Variants in UBE2E2 observed in about 807,000 individuals in gnomAD.
The protein encoded by UBE2E2 is ubiquitin conjugating enzyme E2 E2.
In UBE2E2, 6 loss-of-function variants were observed where a neutral mutation model predicts 24.7. The ratio of observed to expected loss-of-function variants is 0.24; its 90% CI spans 0.13 to 0.48. The LOEUF (loss-of-function observed/expected upper bound fraction) is 0.48, where lower values mean the gene tolerates loss of function less well. UBE2E2 is among the 20% of genes least tolerant of loss of function. UBE2E2 has a pLI of 0.99. For missense variants in UBE2E2, 169 were observed against 245.0 expected (o/e 0.69, Z 2.07); for synonymous variants, 104 against 83.6 (o/e 1.24, Z -1.33).
intron 3 of UBE2E2, among the ~76,000 whole-genome samples, chr3:23,270,143 C>T (rs1363450738): frequency 8.4e-5 from 11 of 131,154 alleles, no homozygotes; most frequent in South Asian, 7.6e-4. Context: ...TCTTTCCACC[C>T]CCCTCCTCCT....
intron 5 of UBE2E2, among the ~76,000 whole-genome samples, chr3:23,555,197 G>A (rs1269158359): frequency 6.6e-6 from 1 of 152,128 alleles, no homozygotes; most frequent in Admixed American, 6.5e-5. Context: ...TTACAGGCAT[G>A]AGCCACCATG....
chr3:23,214,232 T>G (rs1696408998), intron 2 of UBE2E2, among the ~76,000 whole-genome samples: 1 of 152,102 alleles, frequency 6.6e-6, no homozygotes, highest in Non-Finnish European at 1.5e-5. Flanking sequence ...TTATATAGAA[T>G]TATATGACAG....
At chr3:23,312,268 T>G (rs1034876152) in intron 3 of UBE2E2, among the ~76,000 whole-genome samples, 1 of 152,178 alleles carries the variant, frequency 6.6e-6, no homozygotes, top group African/African-American at 2.4e-5. Flanking sequence ...ACTCGGATAT[T>G]TCTTTATAGC....
intron 3 of UBE2E2, among the ~76,000 whole-genome samples, chr3:23,262,614 T>A (rs1697934260): frequency 6.6e-6 from 1 of 151,952 alleles, no homozygotes; most frequent in South Asian, 2.1e-4. Flanking sequence ...GTGGGGTTTT[T>A]TTTTTTGCTA....
In UBE2E2 at chr3:23,590,970, T is replaced by A. The variant is rs1346001884; in HGVS notation, c.*1139T>A. 6.6e-6 allele frequency: 1 copy of A among 152,096 alleles called. No individual in the cohort carries two copies. The highest frequency in any genetic ancestry group is 2.4e-5 in the African/African-American group (1 of 41,444). 9.4% of individuals were successfully genotyped at this position (152,096 alleles called of 1,614,324 possible). On this transcript the variant is annotated 3_prime_UTR_variant, in exon 6 of 6. Coordinates refer to ENST00000396703, the MANE Select transcript of UBE2E2 (RefSeq NM_152653.4). ...TTGCCCTCAAGCTTTGTATTGTTCATTTTTGTTGTTGTTGTTGTTGTTGTT... is the reference window on the plus strand; with the variant it reads ...TTGCCCTCAAGCTTTGTATTGTTCAATTTTGTTGTTGTTGTTGTTGTTGTT...
At chr3:23,246,835 G>A in intron 3 of UBE2E2, among the ~76,000 whole-genome samples, 1 of 152,094 alleles carries the variant, frequency 6.6e-6, no homozygotes, top group Non-Finnish European at 1.5e-5. Context: ...GCATATAGTA[G>A]GTATTTGGTT....
At chr3:23,535,510 A>G (rs1358062106) in intron 5 of UBE2E2, among the ~76,000 whole-genome samples, 3 of 152,136 alleles carry the variant, frequency 2.0e-5, no homozygotes, top group Non-Finnish European at 4.4e-5. Flanking sequence ...CGATGGGTGC[A>G]CCAGCAATAA....
intron 5 of UBE2E2, among the ~76,000 whole-genome samples, chr3:23,584,269 G>A (rs1044041012): frequency 3.3e-5 from 5 of 152,320 alleles, no homozygotes; most frequent in Non-Finnish European, 7.4e-5. Flanking sequence ...AAGTCTACTT[G>A]ATCATGGTGG....
chr3:23,403,452 A>G (rs1368748375), intron 3 of UBE2E2, among the ~76,000 whole-genome samples: 1 of 152,170 alleles, frequency 6.6e-6, no homozygotes, highest in Non-Finnish European at 1.5e-5. Flanking sequence ...TTGGCTTTTC[A>G]TGGAATAATG....
intron 3 of UBE2E2, among the ~76,000 whole-genome samples, chr3:23,298,419 T>A (rs1424272558): frequency 6.6e-6 from 1 of 152,206 alleles, no homozygotes; most frequent in Non-Finnish European, 1.5e-5. Context: ...ATATTGGCTG[T>A]AGGTTTGTCA....
At chr3:23,333,203 G>A (rs970357174) in intron 3 of UBE2E2, among the ~76,000 whole-genome samples, 3 of 152,168 alleles carry the variant, frequency 2.0e-5, no homozygotes, top group Non-Finnish European at 2.9e-5. Flanking sequence ...CATGTCAAAT[G>A]CAGAGAGTCC....
intron 2 of UBE2E2, among the ~76,000 whole-genome samples, chr3:23,209,724 A>G (rs1449908640): frequency 1.3e-5 from 2 of 152,172 alleles, no homozygotes; most frequent in Non-Finnish European, 2.9e-5. Context: ...CCTTTCTCAA[A>G]GATAAAAAAC....
At chr3:23,230,614 G>A (rs879668075) in intron 3 of UBE2E2, among the ~76,000 whole-genome samples, 5 of 151,864 alleles carry the variant, frequency 3.3e-5, no homozygotes, top group African/African-American at 1.2e-4. Context: ...GTGAAACCCC[G>A]TCTCTACTAA....
chr3:23,511,149 A>G (rs570184772), intron 4 of UBE2E2, among the ~76,000 whole-genome samples: 3 of 152,336 alleles, frequency 2.0e-5, no homozygotes, highest in East Asian at 3.9e-4. Flanking sequence ...TTTGAGCAAG[A>G]TAATACTTTG....
chr3:23,432,728 T>C (rs1457239265), intron 3 of UBE2E2, among the ~76,000 whole-genome samples: 1 of 151,980 alleles, frequency 6.6e-6, no homozygotes, highest in Non-Finnish European at 1.5e-5. Flanking sequence ...GAAAGAACTT[T>C]CCCAGCCATA....
intron 3 of UBE2E2, among the ~76,000 whole-genome samples, chr3:23,408,706 C>T (rs1475942987): frequency 6.6e-6 from 1 of 152,144 alleles, no homozygotes; most frequent in Non-Finnish European, 1.5e-5. Flanking sequence ...AGCTGGCCCT[C>T]ATAGGCTATC....
chr3:23,256,660 A>C (rs1255155797), intron 3 of UBE2E2, among the ~76,000 whole-genome samples: 1 of 152,208 alleles, frequency 6.6e-6, no homozygotes, highest in Non-Finnish European at 1.5e-5. Context: ...AATTCTTAAG[A>C]CTAAGGTCAG....
chr3:23,381,620 CT>C (rs922698482), intron 3 of UBE2E2, among the ~76,000 whole-genome samples: 7 of 152,110 alleles, frequency 4.6e-5, no homozygotes, highest in African/African-American at 1.7e-4. Context: ...ACTTATCCCC[CT>C]GAATTATGTT....
At chr3:23,401,076 A>G (rs1248156433) in intron 3 of UBE2E2, among the ~76,000 whole-genome samples, 1 of 152,240 alleles carries the variant, frequency 6.6e-6, no homozygotes, top group African/African-American at 2.4e-5. Flanking sequence ...TCAGATGGTT[A>G]TATTTAAGCT....
Sources: allele counts gnomAD v4.1 joint callset (sites outside exome capture counted in the v4.1 genomes callset), GRCh38; gene constraint gnomAD v4.1.1; transcripts MANE v1.5; gene names NCBI Gene and HGNC (gene_info 2026-07-23, HGNC 2026-07-21).